Variants in FLNA observed in about 807,000 individuals in gnomAD.
FLNA encodes filamin A, also known as filamin-A.
Under a neutral mutation model 157.6 loss-of-function variants are expected in FLNA, and 7 were observed. That is an observed-to-expected ratio of 0.04 (90% CI 0.03 to 0.08). The LOEUF is 0.08. Ranked by LOEUF, FLNA falls within the 10% of genes least tolerant of loss-of-function variation. FLNA has a pLI of 1.00. For missense variants in FLNA, 1,750 were observed against 2,398.4 expected (o/e 0.73, Z 5.65); for synonymous variants, 1,103 against 1,060.8 (o/e 1.04, Z -0.77).
intron 21 of FLNA, 110 bp from the exon 22 acceptor site, chrX:154,360,697 C>T: frequency 1.4e-6 from 1 of 724,393 alleles, no homozygotes; most frequent in Middle Eastern, 2.9e-4. Context: ...CCTCACCAAA[C>T]AGGGACACGG....
chrX:154,355,568 C>T (rs781866037), intron 30 of FLNA, among the ~76,000 whole-genome samples: 1 of 113,421 alleles, frequency 8.8e-6, no homozygotes, highest in East Asian at 2.8e-4. Flanking sequence ...ATGGTGAAAC[C>T]GGAGTTTCCT....
chrX:154,360,567 C>T lies in FLNA; in HGVS notation c.3228G>A (p.Gly1076=). Residue 1076 remains glycine (G), a synonymous_variant, in exon 22 of 48, where the codon GGG becomes GGA. Coordinates refer to ENST00000369850, the MANE Select transcript of FLNA (RefSeq NM_001110556.2). The stretch of plus-strand genomic sequence containing the variant: ...GGGAGCCCGCACTGCCTCCCTGCAG[C>T]CCCGGCCCAAACGCCTTCACCTGAG... ...KPSKVKAFGP[G]LQGGSAGSPA... is the part of the protein sequence containing the mutation. 1.7e-6 allele frequency: 2 copies of T among 1,207,451 alleles called. No individual in the cohort carries two copies. The highest frequency in any genetic ancestry group is 3.4e-5 in the African/African-American group (2 of 58,013).
chrX:154,365,600 G>A, intron 9 of FLNA, 114 bp from the exon 10 acceptor site: 1 of 924,914 alleles, frequency 1.1e-6, no homozygotes. Context: ...TGGCTGGAGG[G>A]GGACATGCAA....
chrX:154,352,707 C>T (rs1557176025), intron 39 of FLNA, 32 bp from the exon 40 acceptor site: 1 of 1,212,034 alleles, frequency 8.3e-7, no homozygotes, highest in Admixed American at 2.2e-5. Context: ...CACGCCCCTC[C>T]AGTCACATAC....
chrX:154,366,542 C>T lies in FLNA; in HGVS notation c.1065+20G>A, dbSNP rs1557179316. 1 of 1,208,977 alleles carries T rather than the reference C, an allele frequency of 8.3e-7. No individual in the cohort carries two copies. Among genetic ancestry groups the T allele is most frequent in the Admixed American group, 2.2e-5 (1 of 46,148 alleles). ...GCCACTGCCTGAGGTCACAAGCCTCCCCCCTGGCCAAGGGCTCACCTTATG... is the reference window on the plus strand; with the variant it reads ...GCCACTGCCTGAGGTCACAAGCCTCTCCCCTGGCCAAGGGCTCACCTTATG... On this transcript the variant is annotated intron_variant, in intron 7 of 47. Coordinates refer to ENST00000369850, the MANE Select transcript of FLNA (RefSeq NM_001110556.2).
chrX:154,365,653 G>A (rs1367954728), intron 9 of FLNA, among the ~76,000 whole-genome samples, 167 bp from the exon 10 acceptor site: 1 of 111,720 alleles, frequency 9.0e-6, no homozygotes, highest in Non-Finnish European at 1.9e-5. Context: ...CTGTGGCCTG[G>A]GCCAGGACAT....
In FLNA at chrX:154,349,490, C is replaced by T. The variant is rs201762017; in HGVS notation, c.7628G>A (p.Cys2543Tyr). ...ACCCGGGGCCCCATGCTGGGGGGCACAGGTGGCCTTGGTCAGAGAGTCTAC... is the reference window on the plus strand; with the variant it reads ...ACCCGGGGCCCCATGCTGGGGGGCATAGGTGGCCTTGGTCAGAGAGTCTAC... ...VFVDSLTKAT[C>Y]APQHGAPGPG... Residue 2543 changes from cysteine to tyrosine, a missense_variant, in exon 47 of 48, where the codon TGT (cysteine) becomes TAT (tyrosine). Cys to Tyr is a radical substitution (Grantham distance 194). Transcript: ENST00000369850. 1.5e-4 allele frequency: 176 copies of T among 1,211,541 alleles called. 1 individual carries two copies. The highest frequency in any genetic ancestry group is 1.8e-4 in the Non-Finnish European group (161 of 895,440).
At chrX:154,363,586 GCCTGTAGTC>G (rs1264457149) in intron 15 of FLNA, among the ~76,000 whole-genome samples, 1 of 110,000 alleles carries the variant, frequency 9.1e-6, no homozygotes, top group African/African-American at 3.3e-5. Context: ...GGTGGCGGGC[GCCTGTAGTC>G]CCAGCTACCC....
At chrX:154,350,274 G>A in intron 44 of FLNA, 67 bp from the exon 45 acceptor site, 1 of 1,032,688 alleles carries the variant, frequency 9.7e-7, no homozygotes, top group South Asian at 1.9e-5. Context: ...GTGTCTGTGA[G>A]GAACAGCCTC....
Position 154,359,548 on chromosome X carries a change from C to T in FLNA, c.4078G>A (p.Val1360Ile). ...CCACTTTGGATGCCTGGCCCGTGGA[C>T]ACGCACCCGGGAGGGGTCGCAGCCC... Reference protein sequence around the residue: ...TEGCDPSRVRVHGPGIQSGTT... With the variant: ...TEGCDPSRVRIHGPGIQSGTT... The change falls in exon 24 of 48, where the codon GTC becomes ATC. Residue 1360 changes from valine (V) to isoleucine (I), a missense_variant. Physicochemically the swap from Val to Ile is conservative, Grantham distance 29 (BLOSUM62 3). This residue lies in a region of FLNA where 970 missense variants were observed against 1,302.6 expected (regional missense o/e 0.74). Transcript: ENST00000369850. 8.3e-7 allele frequency: 1 copy of T among 1,211,256 alleles called. No individual in the cohort carries two copies. Among genetic ancestry groups the T allele is most frequent in the South Asian group, 1.8e-5 (1 of 57,003 alleles).
chrX:154,361,073 A>C (rs2067704965), intron 21 of FLNA, among the ~76,000 whole-genome samples: 1 of 94,669 alleles, frequency 1.1e-5, no homozygotes, highest in Admixed American at 1.2e-4. Flanking sequence ...AAAAAAAAAA[A>C]AAAAAAGAAA....
intron 30 of FLNA, 103 bp from the exon 31 acceptor site, chrX:154,355,175 C>G: frequency 1.1e-6 from 1 of 908,819 alleles, no homozygotes; most frequent in Non-Finnish European, 1.5e-6. Context: ...ATTGCCACCA[C>G]CAAGCACAGC....
chrX:154,366,260 G>C (rs1260286967), intron 8 of FLNA, 36 bp from the exon 9 acceptor site: 1 of 1,209,417 alleles, frequency 8.3e-7, no homozygotes, highest in Non-Finnish European at 1.1e-6. Context: ...CCAGGCCCCA[G>C]TGCGGCTCTC....
In FLNA at chrX:154,362,708, G is replaced by C. The variant is rs2067722548; in HGVS notation, c.2357C>G (p.Ala786Gly). 9.1e-6 allele frequency: 11 copies of C among 1,210,335 alleles called. No homozygotes were observed. Among genetic ancestry groups the C allele is most frequent in the Non-Finnish European group, 1.1e-5 (10 of 894,869 alleles). Residue 786 changes from alanine to glycine, a missense_variant, in exon 16 of 48, where the codon GCC (alanine) becomes GGC (glycine). Physicochemically the swap from Ala to Gly is moderately conservative, Grantham distance 60. Coordinates refer to ENST00000369850, the MANE Select transcript of FLNA (RefSeq NM_001110556.2). ...GPGVAKTGLK[A>G]HEPTYFTVDC... ...CACAGTGAAGTAGGTGGGCTCGTGG[G>C]CCTTGAGCCCTGTCTTGGCTACTCC...
Position 154,364,809 on chromosome X carries a change from C to A in FLNA, c.1828+12G>T. On this transcript the variant is annotated intron_variant, in intron 12 of 47. Transcript: ENST00000369850. ...CTGTCCCCAGGTGCCCATGCTGCAG[C>A]CTCCAACTTACCCAGCGTGCCCACG... 8.3e-7 allele frequency: 1 copy of A among 1,211,466 alleles called. No homozygotes were observed. Among genetic ancestry groups the A allele is most frequent in the Non-Finnish European group, 1.1e-6 (1 of 895,495 alleles).
At position 154,371,225 on chromosome X, in the gene FLNA, C is replaced by T; in HGVS notation, c.21G>A (p.Arg7=). MSSSHS[R]AGQSAAGAAP... ...CCGCGCCTGCTGCGCTCTGGCCCGC[C>T]CGAGAGTGGGAGCTACTCATTTTGA... Residue 7 remains arginine, a synonymous_variant, in exon 2 of 48, where the codon CGG becomes CGA. Coordinates refer to ENST00000369850, the MANE Select transcript of FLNA (RefSeq NM_001110556.2). 1 of 1,201,530 alleles carries T rather than the reference C, an allele frequency of 8.3e-7. No individual in the cohort carries two copies. The highest frequency in any genetic ancestry group is 1.8e-5 in the South Asian group (1 of 55,623).
At chrX:154,350,401 G>A (rs1287032646) in intron 44 of FLNA, 194 bp from the exon 45 acceptor site, 49 of 447,454 alleles carry the variant, frequency 1.1e-4, no homozygotes, top group Non-Finnish European at 1.7e-4. Context: ...GCTGCCCACC[G>A]TCAGGGTGCA....
rs370490152 is a variant in FLNA, at chrX:154,366,582, C to T, written c.1045G>A (p.Glu349Lys). The change falls in exon 7 of 48, where the codon GAG (glutamate) becomes AAG (lysine). Residue 349 changes from glutamate to lysine, a missense_variant. Coordinates refer to ENST00000369850, the MANE Select transcript of FLNA (RefSeq NM_001110556.2). ...CTCACCTTATGAGTCCCCGTCACCT[C>T]GGGGACGTACCAGACGGAGAAGGTG... ...NRTFSVWYVPEVTGTHKVTVL... is the reference protein window; with the variant it reads ...NRTFSVWYVPKVTGTHKVTVL... 9.1e-6 allele frequency: 11 copies of T among 1,210,666 alleles called. No individual in the cohort carries two copies. The highest frequency in any genetic ancestry group is 8.9e-5 in the East Asian group (3 of 33,793).
intron 1 of FLNA, among the ~76,000 whole-genome samples, chrX:154,373,081 GGGAGCTGGGGT>G (rs1372945560): frequency 6.3e-5 from 7 of 111,975 alleles, no homozygotes; most frequent in African/African-American, 2.0e-4. Context: ...CTGGGCGTCT[GGGAGCTGGGGT>G]GGAGGTGGGA....
Sources: gnomAD v4.1 joint callset for allele counts (sites outside exome capture counted in the v4.1 genomes callset) on GRCh38, gnomAD v4.1.1 for gene constraint, gnomAD v4.1.1 regional missense constraint, MANE v1.5 for transcripts, NCBI Gene and HGNC (gene_info 2026-07-23, HGNC 2026-07-21) for gene names.